Variants in VPS8 observed in about 807,000 individuals in gnomAD.
VPS8 encodes VPS8 subunit of CORVET complex.
In VPS8, 129 loss-of-function variants were observed where a neutral mutation model predicts 216.4. That is an observed-to-expected ratio of 0.60 (90% CI 0.52 to 0.69). The LOEUF (loss-of-function observed/expected upper bound fraction) is 0.69. Among genes scored for constraint, VPS8 ranks in the 30% least tolerant of loss-of-function variants. The probability of loss-of-function intolerance (pLI) is 0.00; values close to 1 mark genes in which losing one functional copy is unlikely to be tolerated. For synonymous variants in VPS8, 571 were observed against 565.4 expected, an observed-to-expected ratio of 1.01 and a Z score of -0.14; for missense variants, 1,531 against 1,683.5, an observed-to-expected ratio of 0.91 and a Z score of 1.59.
intron 45 of VPS8, among the ~76,000 whole-genome samples, chr3:185,021,606 G>T (rs540826020): frequency 3.9e-5 from 6 of 152,168 alleles, no homozygotes; most frequent in Non-Finnish European, 7.3e-5. Flanking sequence ...GAATTCCAGC[G>T]TATTAATGTC....
intron 37 of VPS8, among the ~76,000 whole-genome samples, chr3:184,958,352 A>G (rs963754981): frequency 1.3e-5 from 2 of 152,236 alleles, no homozygotes; most frequent in African/African-American, 4.8e-5. Flanking sequence ...GTATAGGCAC[A>G]TAGGCATTTA....
chr3:184,816,496 C>T (rs977737499), intron 1 of VPS8, among the ~76,000 whole-genome samples: 14 of 152,148 alleles, frequency 9.2e-5, no homozygotes, highest in African/African-American at 3.1e-4. Context: ...GCTTTTTCGT[C>T]GTGGCAGTTC....
At chr3:184,860,437 A>G (rs913438143) in intron 15 of VPS8, among the ~76,000 whole-genome samples, 1 of 145,152 alleles carries the variant, frequency 6.9e-6, no homozygotes, top group African/African-American at 2.6e-5. Context: ...ATATGTGTGT[A>G]TATATATGTA....
At chr3:184,935,626 A>G (rs1195461314) in intron 34 of VPS8, among the ~76,000 whole-genome samples, 5 of 152,218 alleles carry the variant, frequency 3.3e-5, no homozygotes, top group East Asian at 1.9e-4. Flanking sequence ...CCAAGTAAGA[A>G]GAGAGTTTTA....
intron 36 of VPS8, among the ~76,000 whole-genome samples, chr3:184,956,672 T>C (rs1178845584): frequency 6.6e-6 from 1 of 152,220 alleles, no homozygotes; most frequent in African/African-American, 2.4e-5. Context: ...AGTTGAGTGC[T>C]TGAGTGGCCA....
At chr3:185,044,102 A>G in intron 46 of VPS8, among the ~76,000 whole-genome samples, 1 of 152,234 alleles carries the variant, frequency 6.6e-6, no homozygotes, top group Non-Finnish European at 1.5e-5. Context: ...AGACAGGAGA[A>G]TCACTTGAAC....
chr3:185,030,163 G>T (rs1366966839), intron 46 of VPS8, among the ~76,000 whole-genome samples: 1 of 152,132 alleles, frequency 6.6e-6, no homozygotes, highest in Non-Finnish European at 1.5e-5. Flanking sequence ...CCAAATGCAG[G>T]TGTTGACAAC....
chr3:185,032,758 C>T (rs1414046360), intron 46 of VPS8, among the ~76,000 whole-genome samples: 3 of 152,102 alleles, frequency 2.0e-5, no homozygotes, highest in Non-Finnish European at 4.4e-5. Context: ...CTCCGCCTCC[C>T]GGGTTCATGG....
At chr3:185,020,770 T>A (rs1219737872) in intron 45 of VPS8, among the ~76,000 whole-genome samples, 1 of 152,212 alleles carries the variant, frequency 6.6e-6, no homozygotes, top group Non-Finnish European at 1.5e-5. Flanking sequence ...TTCCTAGCCC[T>A]ATTTTAACAA....
At chr3:184,996,528 G>A (rs779293713) in intron 44 of VPS8, 27 bp downstream of exon 44, 3 of 1,586,896 alleles carry the variant, frequency 1.9e-6, no homozygotes, top group South Asian at 1.2e-5. Flanking sequence ...AATGTTACAT[G>A]TATGGTACAT....
intron 6 of VPS8, chr3:184,839,031 T>A (rs953445999): frequency 3.3e-6 from 1 of 303,372 alleles, no homozygotes; most frequent in East Asian, 6.5e-5. Context: ...TAAATTTGCT[T>A]CTTCTGTGAT....
chr3:184,870,661 T>C (rs924067223), intron 20 of VPS8, 55 bp from the exon 21 acceptor site: 4 of 1,337,250 alleles, frequency 3.0e-6, no homozygotes, highest in African/African-American at 2.9e-5. Context: ...CACATACATA[T>C]TGAAAAACTT....
At chr3:185,011,817 G>A (rs1755052279) in intron 45 of VPS8, among the ~76,000 whole-genome samples, 1 of 152,126 alleles carries the variant, frequency 6.6e-6, no homozygotes, top group African/African-American at 2.4e-5. Flanking sequence ...AAGAGAAAAA[G>A]CATCAGTAGA....
chr3:185,024,486 A>G (rs1162971163), intron 46 of VPS8, 97 bp downstream of exon 46: 3 of 1,295,808 alleles, frequency 2.3e-6, no homozygotes, highest in African/African-American at 3.0e-5. Context: ...ATTTTTAATC[A>G]TCTTAATGCT....
chr3:184,955,676 G>A (rs904282688), intron 36 of VPS8, among the ~76,000 whole-genome samples: 2 of 151,912 alleles, frequency 1.3e-5, no homozygotes, highest in Non-Finnish European at 2.9e-5. Flanking sequence ...GCTAAGCCCC[G>A]TAGGACTGGA....
chr3:184,830,121 T>C (rs755554439), intron 3 of VPS8, among the ~76,000 whole-genome samples: 3 of 152,190 alleles, frequency 2.0e-5, no homozygotes, highest in Admixed American at 6.5e-5. Context: ...AAAATCTTCA[T>C]TGTTGTTCCT....
intron 31 of VPS8, among the ~76,000 whole-genome samples, chr3:184,927,891 G>A (rs959043900): frequency 1.2e-4 from 19 of 152,178 alleles, no homozygotes; most frequent in African/African-American, 4.6e-4. Context: ...GCCGCAGCAT[G>A]CATGTATCAG....
Position 184,842,186 on chromosome 3 carries a change from C to CAAAAAAAAAAAAAAAAAAAAAAAA in VPS8, c.536-1031_536-1030insAAAAAAAAAAAAAAAAAAAAAAAA, listed in dbSNP as rs71162267. On this transcript the variant is annotated intron_variant, in intron 7 of 47. Coordinates refer to ENST00000625842, the MANE Select transcript of VPS8 (RefSeq NM_001009921.3). ...TGGGTGACAGAGCGAGACTCCGTCT[C>CAAAAAAAAAAAAAAAAAAAAAAAA]AAAAAAAAAAAAAAAAAAAAAAAGA... 2.4e-4 allele frequency among the ~76,000 whole-genome samples: 12 copies of CAAAAAAAAAAAAAAAAAAAAAAAA among 48,980 alleles called. No individual in the cohort carries two copies. The East Asian group carries it at 3.2e-3, about 13-fold the overall frequency. The allele number at this position is 48,980 out of a possible 152,430, so 32.1% of individuals were successfully genotyped here. A position where few individuals can be genotyped will look rare whatever the true frequency, so the allele number is the denominator to read the frequency against.
intron 36 of VPS8, among the ~76,000 whole-genome samples, chr3:184,945,918 G>GA (rs1254966777): frequency 3.3e-5 from 5 of 152,210 alleles, no homozygotes; most frequent in Non-Finnish European, 7.3e-5. Context: ...TAGTAGTGTG[G>GA]AAAATGGTCC....
Sources: allele counts gnomAD v4.1 joint callset (sites outside exome capture counted in the v4.1 genomes callset), GRCh38; gene constraint gnomAD v4.1.1; transcripts MANE v1.5; gene names NCBI Gene and HGNC (gene_info 2026-07-23, HGNC 2026-07-21).